The following CCDC7 variants were observed in gnomAD, a reference collection of about 807,000 sequenced individuals.
CCDC7 encodes the protein coiled-coil domain-containing protein 7.
A neutral mutation model predicts 196.9 loss-of-function variants in CCDC7; 183 were observed. That is an observed-to-expected ratio of 0.93 (90% CI 0.82 to 1.05). CCDC7 has a LOEUF of 1.05. CCDC7 is among the 50% of genes least tolerant of loss of function. The pLI, the probability that CCDC7 is intolerant of heterozygous loss-of-function variation, is 0.00. For synonymous variants in CCDC7, 525 were observed against 484.6 expected (o/e 1.08, Z -1.10); for missense variants, 1,540 against 1,482.2 (o/e 1.04, Z -0.64).
intron 21 of CCDC7, among the ~76,000 whole-genome samples, chr10:32,668,689 G>T (rs1305880665): frequency 6.6e-6 from 1 of 152,088 alleles, no homozygotes; most frequent in Non-Finnish European, 1.5e-5. Context: ...ATTTGTGTAT[G>T]TTGAACCAGC....
chr10:32,644,823 T>A (rs983576059), intron 20 of CCDC7, among the ~76,000 whole-genome samples: 1 of 152,238 alleles, frequency 6.6e-6, no homozygotes, highest in Non-Finnish European at 1.5e-5. Context: ...CCTGGAACTG[T>A]AAGTCCATTA....
intron 24 of CCDC7, among the ~76,000 whole-genome samples, chr10:32,703,199 G>A (rs1351485495): frequency 6.6e-6 from 1 of 151,962 alleles, no homozygotes. Context: ...AGCTCTTTTA[G>A]GGCAGGCCTG....
At chr10:32,811,159 A>T (rs1340636726) in intron 30 of CCDC7, among the ~76,000 whole-genome samples, 1 of 152,088 alleles carries the variant, frequency 6.6e-6, no homozygotes, top group East Asian at 1.9e-4. Flanking sequence ...AAAAGCAAAA[A>T]GGATCAGAGC....
At chr10:32,812,834 C>T (rs1416968691) in intron 30 of CCDC7, among the ~76,000 whole-genome samples, 3 of 151,996 alleles carry the variant, frequency 2.0e-5, no homozygotes, top group African/African-American at 4.8e-5. Flanking sequence ...CAAATGAACC[C>T]GTCCTTCTTT....
At chr10:32,509,660 A>G (rs2045801098) in intron 9 of CCDC7, among the ~76,000 whole-genome samples, 1 of 152,194 alleles carries the variant, frequency 6.6e-6, no homozygotes, top group Admixed American at 6.5e-5. Flanking sequence ...TACATCTGAT[A>G]ATGGGTCAAT....
intron 28 of CCDC7, among the ~76,000 whole-genome samples, chr10:32,769,456 G>C (rs2134037715): frequency 6.6e-6 from 1 of 151,210 alleles, no homozygotes; most frequent in Non-Finnish European, 1.5e-5. Flanking sequence ...GTTTTCATTT[G>C]GTTGATCCAT....
At chr10:32,748,963 A>G (rs1337176764) in intron 28 of CCDC7, among the ~76,000 whole-genome samples, 1 of 152,166 alleles carries the variant, frequency 6.6e-6, no homozygotes, top group African/African-American at 2.4e-5. Flanking sequence ...CCTGGAGGCA[A>G]AACTCACAAA....
At chr10:32,716,699 G>A (rs1263586460) in intron 25 of CCDC7, among the ~76,000 whole-genome samples, 4 of 152,128 alleles carry the variant, frequency 2.6e-5, no homozygotes, top group Non-Finnish European at 5.9e-5. Context: ...TGGGATGGAG[G>A]AATATTTACC....
chr10:32,446,317 C>T (rs1001512362), exon 1 of CCDC7: 1 of 152,354 alleles, frequency 6.6e-6, no homozygotes, highest in African/African-American at 2.4e-5. Flanking sequence ...GAATTGTCAT[C>T]TTCCTCAGGC....
intron 28 of CCDC7, among the ~76,000 whole-genome samples, chr10:32,772,028 A>G (rs1565458610): frequency 6.6e-6 from 1 of 152,180 alleles, no homozygotes; most frequent in South Asian, 2.1e-4. Context: ...GGGCAGGGCC[A>G]TGTAGCTTTC....
chr10:32,550,304 C>T (rs532368515), intron 13 of CCDC7, among the ~76,000 whole-genome samples: 11 of 152,112 alleles, frequency 7.2e-5, no homozygotes, highest in African/African-American at 2.7e-4. Flanking sequence ...GTTCTAGGAG[C>T]TTTCTGGAGG....
At chr10:32,817,517 C>A (rs574171657) in intron 31 of CCDC7, among the ~76,000 whole-genome samples, 89 of 152,068 alleles carry the variant, frequency 5.9e-4, no homozygotes, top group African/African-American at 1.9e-3. Context: ...AGAAGAGCAA[C>A]TCCAAGACAC....
At chr10:32,575,240 C>T (rs1590076962) in intron 16 of CCDC7, among the ~76,000 whole-genome samples, 2 of 152,160 alleles carry the variant, frequency 1.3e-5, no homozygotes, top group Admixed American at 6.5e-5. Flanking sequence ...TGTTTCTTTT[C>T]AATTTTTATC....
intron 28 of CCDC7, among the ~76,000 whole-genome samples, chr10:32,777,683 C>G (rs1408741857): frequency 6.6e-6 from 1 of 151,848 alleles, no homozygotes. Flanking sequence ...ATGGTGAAAC[C>G]CCATCTCTAC....
At chr10:32,558,843 C>T (rs746498845) in intron 13 of CCDC7, among the ~76,000 whole-genome samples, 10 of 152,164 alleles carry the variant, frequency 6.6e-5, no homozygotes, top group South Asian at 4.1e-4. Flanking sequence ...GTGCACCATG[C>T]GTGAGCCGAA....
intron 28 of CCDC7, among the ~76,000 whole-genome samples, chr10:32,771,845 A>T (rs916357282): frequency 1.2e-4 from 19 of 152,216 alleles, no homozygotes; most frequent in Non-Finnish European, 2.2e-4. Flanking sequence ...AGCTGAGATC[A>T]TGCAGCTATT....
intron 3 of CCDC7, 122 bp from the exon 5 acceptor site, chr10:32,462,561 T>C: frequency 2.6e-6 from 2 of 774,208 alleles, no homozygotes; most frequent in Non-Finnish European, 1.8e-6. Flanking sequence ...ATTTATAAAG[T>C]TATATTTTAA....
chr10:32,660,108 G>GTTTTTCTTTTT (rs937810173), intron 20 of CCDC7, among the ~76,000 whole-genome samples: 1 of 150,740 alleles, frequency 6.6e-6, no homozygotes, highest in East Asian at 1.9e-4. Flanking sequence ...TTTTTCCTCT[G>GTTTTTCTTTTT]TTTTTCTTTT....
At chr10:32,751,009 C>A (rs1187503289) in intron 28 of CCDC7, among the ~76,000 whole-genome samples, 2 of 152,088 alleles carry the variant, frequency 1.3e-5, no homozygotes, top group East Asian at 1.9e-4. Context: ...GGACAGAAAT[C>A]ATTGCCACAG....
Sources: gnomAD v4.1 joint callset for allele counts (sites outside exome capture counted in the v4.1 genomes callset) on GRCh38, gnomAD v4.1.1 for gene constraint, MANE v1.5 for transcripts, NCBI Gene and HGNC (gene_info 2026-07-23, HGNC 2026-07-21) for gene names.